PIK3C3: variants seen among roughly 807,000 people sequenced by gnomAD.
The protein encoded by PIK3C3 is phosphatidylinositol 3-kinase catalytic subunit type 3, also known as PI3-kinase type 3.
In PIK3C3, 95 loss-of-function variants were observed where a neutral mutation model predicts 126.1. The ratio of observed to expected loss-of-function variants is 0.75; its 90% CI spans 0.64 to 0.89. The LOEUF (loss-of-function observed/expected upper bound fraction) is 0.89, where lower values mean the gene tolerates loss of function less well. Ranked by LOEUF, PIK3C3 falls within the 40% of genes least tolerant of loss-of-function variation. PIK3C3 has a pLI of 0.00. For missense variants in PIK3C3, 829 were observed against 1,063.2 expected, an observed-to-expected ratio of 0.78 and a Z score of 3.06; for synonymous variants, 374 against 360.0, an observed-to-expected ratio of 1.04 and a Z score of -0.44.
chr18:42,013,036 T>G (rs559578634), intron 10 of PIK3C3, among the ~76,000 whole-genome samples: 1 of 152,216 alleles, frequency 6.6e-6, no homozygotes, highest in Admixed American at 6.5e-5. Context: ...TAGAATGCAC[T>G]CTTCTGATCC....
Position 42,081,782 on chromosome 18 carries a change from C to G in PIK3C3, c.*645C>G, listed in dbSNP as rs1235639862. Reference sequence around the variant, plus strand: ...AAACTACAGTTAATAGTTCTTCTAGCTTGTAAGTGTGTAAAGTAGAATATG... The same window carrying G: ...AAACTACAGTTAATAGTTCTTCTAGGTTGTAAGTGTGTAAAGTAGAATATG... On this transcript the variant is annotated 3_prime_UTR_variant, in exon 25 of 25. Coordinates refer to ENST00000262039, the MANE Select transcript of PIK3C3 (RefSeq NM_002647.4). The G allele has an allele frequency of 6.6e-6, 1 of 152,124 alleles. No homozygotes were observed. Among genetic ancestry groups the G allele is most frequent in the Non-Finnish European group, 1.5e-5 (1 of 68,010 alleles). 9.4% of individuals were successfully genotyped at this position (152,124 alleles called of 1,614,324 possible).
At position 42,029,348 on chromosome 18, in the gene PIK3C3, G is replaced by T. The variant is rs1372394577; in HGVS notation, c.1614G>T (p.Met538Ile). The change falls in exon 15 of 25, where the codon ATG becomes ATT. Residue 538 changes from methionine to isoleucine, a missense_variant. Coordinates refer to ENST00000262039, the MANE Select transcript of PIK3C3 (RefSeq NM_002647.4). ...AGGGTGATAAGTCTGTCAGAGTTATGCGTTCTTTGCTGGCTGCACAACAGA... is the reference window on the plus strand; with the variant it reads ...AGGGTGATAAGTCTGTCAGAGTTATTCGTTCTTTGCTGGCTGCACAACAGA... The part of the protein sequence containing the change: ...LLKGDKSVRV[M>I]RSLLAAQQTF... 1.2e-6 allele frequency: 2 copies of T among 1,613,470 alleles called. No individual in the cohort carries two copies. The highest frequency in any genetic ancestry group is 3.3e-5 in the Admixed American group (2 of 60,006).
chr18:42,017,961 T>TTA (rs1983151044), intron 12 of PIK3C3, among the ~76,000 whole-genome samples: 1 of 150,916 alleles, frequency 6.6e-6, no homozygotes, highest in African/African-American at 2.4e-5. Context: ...TTTCACTATC[T>TTA]TATTTAGTAC....
intron 20 of PIK3C3, among the ~76,000 whole-genome samples, chr18:42,044,944 C>T (rs1984497155): frequency 6.6e-6 from 1 of 152,142 alleles, no homozygotes; most frequent in African/African-American, 2.4e-5. Context: ...TTTAAACTTG[C>T]ATATTATTTT....
intron 13 of PIK3C3, chr18:42,026,561 T>G (rs1390423155): frequency 6.6e-6 from 1 of 152,154 alleles, no homozygotes. Flanking sequence ...GCTCAAGCTA[T>G]CTTCCCACCT....
intron 4 of PIK3C3, chr18:41,970,958 T>G (rs657164): frequency 0.32 from 50,970 of 161,066 alleles, 8,796 homozygotes; most frequent in African/African-American, 0.45. Flanking sequence ...AGTGTAACAT[T>G]CTAGAGAAGC....
chr18:41,973,472 A>C (rs944237832), intron 4 of PIK3C3, among the ~76,000 whole-genome samples: 2 of 152,106 alleles, frequency 1.3e-5, no homozygotes, highest in African/African-American at 4.8e-5. Flanking sequence ...TTAATTTACT[A>C]ACTTACCGGA....
chr18:42,036,380 G>T (rs1270603262), intron 16 of PIK3C3, among the ~76,000 whole-genome samples: 1 of 151,540 alleles, frequency 6.6e-6, no homozygotes, highest in Non-Finnish European at 1.5e-5. Context: ...TGTTTTTTGG[G>T]CCATTATTTC....
At position 42,085,195 on chromosome 18, in the gene PIK3C3, G is replaced by A. The variant is rs766745429; in HGVS notation, c.*4058G>A. The A allele has an allele frequency of 3.3e-5, 5 of 152,056 alleles. No homozygotes were observed. The highest frequency in any genetic ancestry group is 7.4e-5 in the Non-Finnish European group (5 of 68,020). 9.4% of individuals were successfully genotyped at this position (152,056 alleles called of 1,614,324 possible). On this transcript the variant is annotated 3_prime_UTR_variant, in exon 25 of 25. Transcript: ENST00000262039. Reference sequence around the variant, plus strand: ...ATACTGGTAAGTGAAAGTTCATTTTGTTCAGTGCTATGGGCTGGTACATTG... The same window carrying A: ...ATACTGGTAAGTGAAAGTTCATTTTATTCAGTGCTATGGGCTGGTACATTG...
Position 42,019,255 on chromosome 18 carries a change from A to T in PIK3C3, c.1417-1383A>T, listed in dbSNP as rs537228589. Among the ~76,000 whole-genome samples the T allele has an allele frequency of 1.4e-3, 215 of 152,242 alleles. 1 individual carries two copies. Among genetic ancestry groups the T allele is most frequent in the African/African-American group, 4.8e-3 (200 of 41,556 alleles). Reference sequence around the variant, plus strand: ...ATGTGTTAGAATTTTCCATGTTAAAAATTCAGAAAAACAAAACTGTCCCTT... The same window carrying T: ...ATGTGTTAGAATTTTCCATGTTAAATATTCAGAAAAACAAAACTGTCCCTT... On this transcript the variant is annotated intron_variant, in intron 12 of 24. Coordinates refer to ENST00000262039, the MANE Select transcript of PIK3C3 (RefSeq NM_002647.4).
chr18:41,964,794 T>C (rs746949710), intron 3 of PIK3C3, among the ~76,000 whole-genome samples: 15 of 152,142 alleles, frequency 9.9e-5, no homozygotes, highest in African/African-American at 1.7e-4. Flanking sequence ...CTTTATAATA[T>C]TAAATTTTCC....
intron 3 of PIK3C3, among the ~76,000 whole-genome samples, chr18:41,969,593 T>A (rs1276328617): frequency 6.6e-6 from 1 of 152,222 alleles, no homozygotes; most frequent in Non-Finnish European, 1.5e-5. Flanking sequence ...GGGAAATGTT[T>A]TTGTATGAAT....
chr18:42,012,673 G>C (rs1247888895), intron 10 of PIK3C3, among the ~76,000 whole-genome samples: 1 of 152,096 alleles, frequency 6.6e-6, no homozygotes, highest in Non-Finnish European at 1.5e-5. Flanking sequence ...ACATTAAAGA[G>C]TTTTATTATT....
At chr18:42,024,192 T>C (rs943390935) in intron 13 of PIK3C3, among the ~76,000 whole-genome samples, 56 of 152,248 alleles carry the variant, frequency 3.7e-4, no homozygotes, top group Non-Finnish European at 6.5e-4. Context: ...AGCCCACTGA[T>C]GTCATCTTAC....
intron 15 of PIK3C3, among the ~76,000 whole-genome samples, chr18:42,032,205 G>T (rs1831970404): frequency 6.6e-6 from 1 of 152,208 alleles, no homozygotes; most frequent in African/African-American, 2.4e-5. Context: ...AGCCCCGGAG[G>T]TGGGAGCATG....
chr18:41,992,917 G>A (rs1046197266), intron 6 of PIK3C3, among the ~76,000 whole-genome samples: 1 of 151,924 alleles, frequency 6.6e-6, no homozygotes, highest in Non-Finnish European at 1.5e-5. Context: ...TATAGTCTGT[G>A]GTTTCTTGTT....
intron 21 of PIK3C3, among the ~76,000 whole-genome samples, chr18:42,051,881 G>T (rs957725291): frequency 6.6e-6 from 1 of 151,794 alleles, no homozygotes; most frequent in Non-Finnish European, 1.5e-5. Flanking sequence ...GCTAAATGAC[G>T]AGTTAATGGG....
At chr18:42,059,693 G>C (rs1304341302) in intron 22 of PIK3C3, 1 of 151,852 alleles carries the variant, frequency 6.6e-6, no homozygotes, top group Non-Finnish European at 1.5e-5. Flanking sequence ...ATTTTATGCA[G>C]AGTTTTAATG....
At chr18:41,981,716 T>G (rs1399670940) in intron 4 of PIK3C3, among the ~76,000 whole-genome samples, 1 of 151,794 alleles carries the variant, frequency 6.6e-6, no homozygotes, top group African/African-American at 2.4e-5. Context: ...TCCCAGTACT[T>G]TGGGAGGCTG....
Sources: allele counts gnomAD v4.1 joint callset (sites outside exome capture counted in the v4.1 genomes callset), GRCh38; gene constraint gnomAD v4.1.1; transcripts MANE v1.5; gene names NCBI Gene and HGNC (gene_info 2026-07-23, HGNC 2026-07-21).